The following RBFOX1 variants were observed in gnomAD, a reference collection of about 807,000 sequenced individuals.
RBFOX1 encodes the protein RNA binding protein fox-1 homolog 1.
RBFOX1 carries 8 observed loss-of-function variants against 57.7 expected under a neutral mutation model. That is an observed-to-expected ratio of 0.14 (90% CI 0.08 to 0.25). The LOEUF is 0.25. Ranked by LOEUF, RBFOX1 falls within the 10% of genes least tolerant of loss-of-function variation. RBFOX1 has a pLI of 1.00. For missense variants in RBFOX1, 611 were observed against 548.5 expected, an observed-to-expected ratio of 1.11 and a Z score of -1.14; for synonymous variants, 326 against 222.4, an observed-to-expected ratio of 1.47 and a Z score of -4.15.
intron 4 of RBFOX1, among the ~76,000 whole-genome samples, chr16:7,246,208 A>C (rs1306043164): frequency 6.6e-6 from 1 of 152,198 alleles, no homozygotes; most frequent in African/African-American, 2.4e-5. Context: ...ACTGCTTTCA[A>C]ATTTGAGAGA....
intron 3 of RBFOX1, among the ~76,000 whole-genome samples, chr16:5,846,879 G>T (rs1348887083): frequency 1.3e-5 from 2 of 152,176 alleles, no homozygotes; most frequent in Non-Finnish European, 2.9e-5. Flanking sequence ...GACACATTTT[G>T]CAAACAGCCC....
chr16:7,643,398 CAT>C (rs1300411002), intron 11 of RBFOX1, among the ~76,000 whole-genome samples: 1 of 152,136 alleles, frequency 6.6e-6, no homozygotes, highest in African/African-American at 2.4e-5. Flanking sequence ...TATTTGATAA[CAT>C]ATTAAAAAAG....
At chr16:6,915,714 C>G (rs890618904) in intron 3 of RBFOX1, among the ~76,000 whole-genome samples, 3 of 151,924 alleles carry the variant, frequency 2.0e-5, no homozygotes, top group Non-Finnish European at 4.4e-5. Flanking sequence ...CCATGCCTGA[C>G]TAAATTTTTC....
chr16:5,887,969 A>G (rs1381673456), intron 4 of RBFOX1, among the ~76,000 whole-genome samples: 3 of 152,184 alleles, frequency 2.0e-5, no homozygotes, highest in Non-Finnish European at 2.9e-5. Flanking sequence ...AAACTTCTAC[A>G]AGACGAGCAA....
intron 3 of RBFOX1, among the ~76,000 whole-genome samples, chr16:5,708,296 C>G (rs1046526302): frequency 6.6e-6 from 1 of 152,124 alleles, no homozygotes; most frequent in Admixed American, 6.6e-5. Context: ...GTATGAGGCA[C>G]TGTCCTAGGT....
rs77996857 is a variant in RBFOX1 at position 7,104,788 on chromosome 16, T to C, written c.27+52690T>C. Reference sequence around the variant, plus strand: ...GAGTATTGCTCTACCTTTTTTGTTGTGACTTGCAAAAATAACCAACACAAA... The same window carrying C: ...GAGTATTGCTCTACCTTTTTTGTTGCGACTTGCAAAAATAACCAACACAAA... On this transcript the variant is annotated intron_variant, in intron 4 of 15. Coordinates refer to ENST00000550418, the MANE Select transcript of RBFOX1 (RefSeq NM_018723.4). Among the ~76,000 whole-genome samples, 14 of 152,260 alleles carry C rather than the reference T, an allele frequency of 9.2e-5. No homozygotes were observed. In the East Asian group the frequency reaches 2.7e-3, roughly 29 times the overall value.
intron 1 of RBFOX1, among the ~76,000 whole-genome samples, chr16:5,415,649 T>A (rs1457625300): frequency 2.0e-5 from 3 of 152,234 alleles, no homozygotes; most frequent in Non-Finnish European, 4.4e-5. Flanking sequence ...TCATTGCATT[T>A]ATTTTTACTT....
At chr16:5,999,363 A>C (rs1334235851) in intron 4 of RBFOX1, among the ~76,000 whole-genome samples, 1 of 152,142 alleles carries the variant, frequency 6.6e-6, no homozygotes, top group Non-Finnish European at 1.5e-5. Context: ...ATCCTTCCTT[A>C]AGTCTTCAGA....
At chr16:5,674,120 G>A (rs941514082) in intron 3 of RBFOX1, among the ~76,000 whole-genome samples, 1 of 152,202 alleles carries the variant, frequency 6.6e-6, no homozygotes, top group Non-Finnish European at 1.5e-5. Flanking sequence ...AAAAGACACA[G>A]CAGATATAAG....
intron 13 of RBFOX1, among the ~76,000 whole-genome samples, chr16:7,666,569 A>G (rs1460501448): frequency 6.6e-6 from 1 of 152,142 alleles, no homozygotes; most frequent in Admixed American, 6.6e-5. Context: ...CTTGAGTAGC[A>G]GGAAGGAGAG....
At chr16:7,272,580 A>G (rs751445292) in intron 4 of RBFOX1, among the ~76,000 whole-genome samples, 1 of 152,326 alleles carries the variant, frequency 6.6e-6, no homozygotes, top group Admixed American at 6.5e-5. Flanking sequence ...GCCAGGTTGT[A>G]GAGAGGACAG....
intron 3 of RBFOX1, among the ~76,000 whole-genome samples, chr16:6,797,922 T>C (rs994138557): frequency 4.6e-5 from 7 of 152,124 alleles, no homozygotes; most frequent in Non-Finnish European, 8.8e-5. Context: ...TCTGTGTCAG[T>C]ATTTTCTTGT....
At position 7,497,774 on chromosome 16, in the gene RBFOX1, G is replaced by T. The variant is rs1269976445; in HGVS notation, c.28-20373G>T. ...CTGATCAAATTCAATGGATAACCTT[G>T]CAGAGCAAGATCTAACTCAGAATGT... On this transcript the variant is annotated intron_variant, in intron 4 of 15. Coordinates refer to ENST00000550418, the MANE Select transcript of RBFOX1 (RefSeq NM_018723.4). 2.0e-5 allele frequency among the ~76,000 whole-genome samples: 3 copies of T among 152,196 alleles called. No homozygotes were observed. The East Asian group carries it at 5.8e-4, about 29-fold the overall frequency.
chr16:7,238,422 C>T (rs930593111), intron 4 of RBFOX1, among the ~76,000 whole-genome samples: 6 of 152,188 alleles, frequency 3.9e-5, no homozygotes, highest in African/African-American at 1.4e-4. Context: ...GTTCCCAAAA[C>T]AGATTCTGCT....
chr16:6,593,766 C>G (rs1375090447), intron 2 of RBFOX1, among the ~76,000 whole-genome samples: 2 of 152,072 alleles, frequency 1.3e-5, no homozygotes, highest in African/African-American at 4.8e-5. Flanking sequence ...GGAGGAGAAA[C>G]TGGAGAGCAG....
chr16:6,130,799 A>C (rs536171656), intron 1 of RBFOX1, among the ~76,000 whole-genome samples: 1 of 152,174 alleles, frequency 6.6e-6, no homozygotes, highest in Admixed American at 6.6e-5. Context: ...GAATGATCAA[A>C]TGGTTAATTC....
intron 3 of RBFOX1, among the ~76,000 whole-genome samples, chr16:5,658,186 G>A (rs562888591): frequency 5.3e-5 from 8 of 152,236 alleles, no homozygotes; most frequent in Admixed American, 6.5e-5. Context: ...AGAAAGGCTC[G>A]CAGACCTGGG....
At chr16:6,876,689 C>G (rs759982833) in intron 3 of RBFOX1, among the ~76,000 whole-genome samples, 1 of 151,910 alleles carries the variant, frequency 6.6e-6, no homozygotes, top group Non-Finnish European at 1.5e-5. Flanking sequence ...TTGGCTGGAA[C>G]CAAAGAAGTT....
Position 7,711,891 on chromosome 16 carries a change from C to A in RBFOX1, c.*1146C>A, listed in dbSNP as rs1190647609. 1.3e-5 allele frequency: 2 copies of A among 152,552 alleles called. No homozygotes were observed. Among genetic ancestry groups the A allele is most frequent in the Non-Finnish European group, 2.9e-5 (2 of 68,034 alleles). 9.4% of individuals were successfully genotyped at this position (152,552 alleles called of 1,614,324 possible). On this transcript the variant is annotated 3_prime_UTR_variant, in exon 16 of 16. Coordinates refer to ENST00000550418, the MANE Select transcript of RBFOX1 (RefSeq NM_018723.4). The stretch of plus-strand genomic sequence containing the variant: ...CTTGGTACTTTTTGAAACGTGACTG[C>A]GTTGTGTGAACAATCTGCAATTTTT...
Sources: allele counts gnomAD v4.1 joint callset (sites outside exome capture counted in the v4.1 genomes callset), GRCh38; gene constraint gnomAD v4.1.1; transcripts MANE v1.5; gene names NCBI Gene and HGNC (gene_info 2026-07-23, HGNC 2026-07-21).